The following DYRK3 variants were observed in gnomAD, a reference collection of about 807,000 sequenced individuals.
DYRK3 encodes dual specificity tyrosine phosphorylation regulated kinase 3.
A neutral mutation model predicts 40.8 loss-of-function variants in DYRK3; 30 were observed. That is an observed-to-expected ratio of 0.74 (90% confidence interval 0.55 to 1.00). DYRK3 has a LOEUF of 1.00. Ranked by LOEUF, DYRK3 falls within the 50% of genes least tolerant of loss-of-function variation. The pLI is 0.00. For missense variants in DYRK3, 699 were observed against 731.5 expected, an observed-to-expected ratio of 0.96 and a Z score of 0.51; for synonymous variants, 272 against 260.7, an observed-to-expected ratio of 1.04 and a Z score of -0.42.
In DYRK3 at chr1:206,649,859, G is replaced by A. The variant is rs782681176; in HGVS notation, c.*894G>A. Among the ~76,000 whole-genome samples the A allele has an allele frequency of 6.6e-6, 1 of 152,126 alleles. No individual in the cohort carries two copies. The highest frequency in any genetic ancestry group is 1.5e-5 in the Non-Finnish European group (1 of 68,038). On this transcript the variant is annotated 3_prime_UTR_variant, in exon 3 of 3. Coordinates refer to ENST00000367109, the MANE Select transcript of DYRK3 (RefSeq NM_003582.4). ...CTTCCTTATAAAAGTAATCACTCTCGGATAAACCTTACTACAGTTTAAAAA... is the reference window on the plus strand; with the variant it reads ...CTTCCTTATAAAAGTAATCACTCTCAGATAAACCTTACTACAGTTTAAAAA...
intron 1 of DYRK3, chr1:206,636,058 A>G (rs1671097694): frequency 2.0e-6 from 3 of 1,529,622 alleles, no homozygotes; most frequent in Admixed American, 1.8e-5. Context: ...ATCGGGGTAT[A>G]TGTTAAGGGA....
chr1:206,640,809 C>G lies in DYRK3; in HGVS notation c.189+3048C>G, dbSNP rs186004460. On this transcript the variant is annotated intron_variant, in intron 2 of 2. Coordinates refer to ENST00000367109, the MANE Select transcript of DYRK3 (RefSeq NM_003582.4). Reference sequence around the variant, plus strand: ...TCGTGATCCGCCCGCCTTGGCCTCCCAAAGTGCTGGGATTACAGGCGTGAG... The same window carrying G: ...TCGTGATCCGCCCGCCTTGGCCTCCGAAAGTGCTGGGATTACAGGCGTGAG... Among the ~76,000 whole-genome samples the G allele has an allele frequency of 4.5e-3, 683 of 152,246 alleles. 6 individuals are homozygous for G. The highest frequency in any genetic ancestry group is 0.015 in the African/African-American group (634 of 41,560).
In DYRK3 at chr1:206,654,963, C is replaced by G. The variant is rs903043793; in HGVS notation, c.*5998C>G. ...AGTCCCACATCAGGCCAAGTGGTGA[C>G]CTGTGGCTATTTCAGCTCAGAATGT... On this transcript the variant is annotated 3_prime_UTR_variant, in exon 3 of 3. Transcript: ENST00000367109. Among the ~76,000 whole-genome samples, 2 of 152,138 alleles carry G rather than the reference C, an allele frequency of 1.3e-5. No individual in the cohort carries two copies. The highest frequency in any genetic ancestry group is 4.1e-4 in the South Asian group (2 of 4,820).
At chr1:206,637,085 G>C in intron 1 of DYRK3, 1 of 751,262 alleles carries the variant, frequency 1.3e-6, no homozygotes, top group Non-Finnish European at 2.3e-6. Context: ...TGAATAAAGA[G>C]AAGACAGCCT....
At chr1:206,636,925 A>G (rs782276036) in intron 1 of DYRK3, 1 of 1,613,652 alleles carries the variant, frequency 6.2e-7, no homozygotes, top group Non-Finnish European at 8.5e-7. Flanking sequence ...AATCATTTAG[A>G]ATTTTGCCTC....
In DYRK3 at chr1:206,651,294, T is replaced by C. The variant is rs545387613; in HGVS notation, c.*2329T>C. ...CTCTTTGGAAGTTGGTAGTCCAATG[T>C]CTGCTTCCCCGCATTAACCACATTG... On this transcript the variant is annotated 3_prime_UTR_variant, in exon 3 of 3. Transcript: ENST00000367109. 4.1e-4 allele frequency among the ~76,000 whole-genome samples: 62 copies of C among 152,360 alleles called. No individual in the cohort carries two copies. Among genetic ancestry groups the C allele is most frequent in the African/African-American group, 1.4e-3 (59 of 41,582 alleles).
At chr1:206,638,350 C>T (rs987249741) in intron 2 of DYRK3, among the ~76,000 whole-genome samples, 11 of 137,456 alleles carry the variant, frequency 8.0e-5, no homozygotes, top group Non-Finnish European at 1.5e-4. Flanking sequence ...GATCTTGGCT[C>T]ACTGCAACCT....
Position 206,647,473 on chromosome 1 carries a change from T to C in DYRK3, c.275T>C (p.Phe92Ser). The C allele has an allele frequency of 6.2e-7, 1 of 1,614,152 alleles. No individual in the cohort carries two copies. Among genetic ancestry groups the C allele is most frequent in the Non-Finnish European group, 8.5e-7 (1 of 1,180,020 alleles). Residue 92 changes from phenylalanine (F) to serine (S), a missense_variant, in exon 3 of 3, where the codon TTT (phenylalanine) becomes TCT (serine). Phe to Ser is a radical substitution (Grantham distance 155). Coordinates refer to ENST00000367109, the MANE Select transcript of DYRK3 (RefSeq NM_003582.4). ...EMKVEQLFQE[F>S]GNRKSNTIQS... ...AAGGTAGAACAGCTGTTTCAAGAAT[T>C]TGGCAACAGAAAATCCAATACTATT...
chr1:206,644,006 T>A (rs1485865123), intron 2 of DYRK3, among the ~76,000 whole-genome samples: 2 of 143,906 alleles, frequency 1.4e-5, no homozygotes, highest in African/African-American at 2.5e-5. Flanking sequence ...AAACTGAGGC[T>A]CAGGAAGGCA....
chr1:206,641,507 A>G (rs1558556363), intron 2 of DYRK3, among the ~76,000 whole-genome samples: 1 of 150,328 alleles, frequency 6.7e-6, no homozygotes, highest in Non-Finnish European at 1.5e-5. Flanking sequence ...TTGGGGAAAT[A>G]TTTAGTGTTT....
Position 206,648,391 on chromosome 1 carries a change from T to C in DYRK3, c.1193T>C (p.Ile398Thr). 1 of 1,614,148 alleles carries C rather than the reference T, an allele frequency of 6.2e-7. No individual in the cohort carries two copies. Among genetic ancestry groups the C allele is most frequent in the Non-Finnish European group, 8.5e-7 (1 of 1,180,026 alleles). Residue 398 changes from isoleucine (I) to threonine (T), a missense_variant, in exon 3 of 3, where the codon ATC (isoleucine) becomes ACC (threonine). By Grantham distance (89) the Ile-to-Thr change is moderately conservative (BLOSUM62 -1). Coordinates refer to ENST00000367109, the MANE Select transcript of DYRK3 (RefSeq NM_003582.4). ...ATTGACATATGGAGTTTTGGCTGCA[T>C]CCTTGCAGAACTTTTAACAGGACAG... is the stretch of plus-strand genomic sequence containing the variant. ...TPIDIWSFGC[I>T]LAELLTGQPL...
chr1:206,641,660 T>C (rs1206985771), intron 2 of DYRK3, among the ~76,000 whole-genome samples: 7 of 150,370 alleles, frequency 4.7e-5, no homozygotes, highest in Admixed American at 2.7e-4. Context: ...GGAAAGAAAG[T>C]TAAGAAGAGA....
chr1:206,647,296 G>A, intron 2 of DYRK3, 92 bp from the exon 3 acceptor site: 1 of 1,267,544 alleles, frequency 7.9e-7, no homozygotes, highest in Non-Finnish European at 1.1e-6. Context: ...AAACATGACT[G>A]GACATGTTTT....
intron 1 of DYRK3, chr1:206,636,131 C>T (rs1269520669): frequency 1.6e-6 from 2 of 1,243,790 alleles, no homozygotes; most frequent in Non-Finnish European, 2.2e-6. Flanking sequence ...GGGAGCAATA[C>T]CTTGGAAAGA....
intron 2 of DYRK3, among the ~76,000 whole-genome samples, chr1:206,640,652 GCCATTCT>G (rs1206971694): frequency 6.7e-6 from 1 of 150,288 alleles, no homozygotes; most frequent in Non-Finnish European, 1.5e-5. Context: ...CTGGGTTCAT[GCCATTCT>G]CCTGCCTCAG....
chr1:206,638,329 T>A (rs950656689), intron 2 of DYRK3, among the ~76,000 whole-genome samples: 1 of 134,238 alleles, frequency 7.4e-6, no homozygotes, highest in Non-Finnish European at 1.5e-5. Context: ...CAGGCTGGAG[T>A]GCAATGGCAT....
At chr1:206,642,939 TATAATA>T (rs1270281438) in intron 2 of DYRK3, among the ~76,000 whole-genome samples, 7 of 151,144 alleles carry the variant, frequency 4.6e-5, no homozygotes, top group Admixed American at 2.0e-4. Context: ...ATAATAAAAA[TATAATA>T]ATAATAATAA....
rs1553420934 is a variant in DYRK3 at position 206,648,995 on chromosome 1, G to T, written c.*30G>T. On this transcript the variant is annotated 3_prime_UTR_variant, in exon 3 of 3. Coordinates refer to ENST00000367109, the MANE Select transcript of DYRK3 (RefSeq NM_003582.4). Reference sequence around the variant, plus strand: ...CAGAGATATGCCCAGAGATGCATATGTGTATATTTTTATGATCTTACAAAC... The same window carrying T: ...CAGAGATATGCCCAGAGATGCATATTTGTATATTTTTATGATCTTACAAAC... The T allele has an allele frequency of 1.3e-6, 2 of 1,547,020 alleles. No homozygotes were observed. The highest frequency in any genetic ancestry group is 8.7e-7 in the Non-Finnish European group (1 of 1,145,202).
chr1:206,637,771 A>G lies in DYRK3; in HGVS notation c.189+10A>G, dbSNP rs782168270. 1.9e-6 allele frequency: 3 copies of G among 1,596,776 alleles called. No homozygotes were observed. The highest frequency in any genetic ancestry group is 2.6e-6 in the Non-Finnish European group (3 of 1,164,478). On this transcript the variant is annotated intron_variant, in intron 2 of 2. Transcript: ENST00000367109. ...ACCCAGAAGACTAAATGTAAGTAAA[A>G]GAAGTCATTCTTTGTACATGAATTG...
Sources: gnomAD v4.1 joint callset for allele counts (sites outside exome capture counted in the v4.1 genomes callset) on GRCh38, gnomAD v4.1.1 for gene constraint, MANE v1.5 for transcripts, NCBI Gene and HGNC (gene_info 2026-07-23, HGNC 2026-07-21) for gene names.